Variants in CACNA2D1 observed in about 807,000 individuals in gnomAD.
The protein encoded by CACNA2D1 is voltage-dependent calcium channel subunit alpha-2/delta-1.
A neutral mutation model predicts 171.5 loss-of-function variants in CACNA2D1; 53 were observed. The ratio of observed to expected loss-of-function variants is 0.31; its 90% CI spans 0.25 to 0.39. The LOEUF is 0.39. CACNA2D1 is among the 10% of genes least tolerant of loss of function. CACNA2D1 has a pLI of 1.00. For missense variants in CACNA2D1, 903 were observed against 1,299.8 expected, an observed-to-expected ratio of 0.69 and a Z score of 4.69; for synonymous variants, 442 against 443.1, an observed-to-expected ratio of 1.00 and a Z score of 0.03.
At chr7:82,217,468 G>A (rs978523830) in intron 3 of CACNA2D1, among the ~76,000 whole-genome samples, 26 of 132,872 alleles carry the variant, frequency 2.0e-4, no homozygotes, top group East Asian at 2.1e-4. Flanking sequence ...GAAATTTCAC[G>A]GCTATGTCCA....
At chr7:81,996,373 C>A (rs1258519679) in intron 19 of CACNA2D1, among the ~76,000 whole-genome samples, 1 of 151,740 alleles carries the variant, frequency 6.6e-6, no homozygotes, top group African/African-American at 2.4e-5. Flanking sequence ...TCATTAAATT[C>A]TATTGTTCTA....
intron 3 of CACNA2D1, among the ~76,000 whole-genome samples, chr7:82,284,291 G>A (rs1810490176): frequency 2.6e-5 from 4 of 152,180 alleles, no homozygotes; most frequent in African/African-American, 9.6e-5. Context: ...AAATAAATAT[G>A]AGCATCACGT....
Position 82,100,997 on chromosome 7 carries a change from A to C in CACNA2D1, c.526+16047T>G, listed in dbSNP as rs144250596. ...AATATTTGGCAATATTTCATGCTGA[A>C]ATCTAGAACTTACTATTTATACCAA... On this transcript the variant is annotated intron_variant, in intron 6 of 38. Coordinates refer to ENST00000356860, the MANE Select transcript of CACNA2D1 (RefSeq NM_000722.4). Among the ~76,000 whole-genome samples the C allele has an allele frequency of 5.3e-5, 8 of 152,220 alleles. No individual in the cohort carries two copies. In the East Asian group the frequency reaches 1.5e-3, roughly 29 times the overall value.
At chr7:82,405,301 T>A (rs1250905219) in intron 1 of CACNA2D1, among the ~76,000 whole-genome samples, 4 of 152,192 alleles carry the variant, frequency 2.6e-5, no homozygotes, top group African/African-American at 9.6e-5. Flanking sequence ...TCAAATCTGT[T>A]AATAGCCTTA....
At chr7:82,287,312 T>G (rs1449810517) in intron 3 of CACNA2D1, among the ~76,000 whole-genome samples, 1 of 151,940 alleles carries the variant, frequency 6.6e-6, no homozygotes, top group Non-Finnish European at 1.5e-5. Flanking sequence ...AAAAACAAAT[T>G]TCTTAGTAAC....
At chr7:82,077,483 C>A (rs991432602) in intron 7 of CACNA2D1, among the ~76,000 whole-genome samples, 1 of 151,986 alleles carries the variant, frequency 6.6e-6, no homozygotes, top group Non-Finnish European at 1.5e-5. Context: ...GTAGTGAGAT[C>A]TGGGTGCAGA....
At chr7:82,342,708 T>C (rs1390818182) in intron 2 of CACNA2D1, among the ~76,000 whole-genome samples, 3 of 152,118 alleles carry the variant, frequency 2.0e-5, no homozygotes, top group Non-Finnish European at 4.4e-5. Flanking sequence ...TAGGATGCAA[T>C]AGTCACATAA....
In CACNA2D1 at chr7:82,005,771, A is replaced by G. The variant is rs1799057291; in HGVS notation, c.1509T>C (p.Arg503=). Residue 503 remains arginine, a synonymous_variant, in exon 17 of 39, where the codon CGT becomes CGC. Coordinates refer to ENST00000356860, the MANE Select transcript of CACNA2D1 (RefSeq NM_000722.4). ...AGAGCAAATTTCATCTTACTGTAAA[A>G]CGTGGTGTCAGTCTTTTAATATCTT... is the stretch of plus-strand genomic sequence containing the variant. ...SLEDIKRLTP[R]FTLCPNGYYF... 2 of 1,587,682 alleles carry G rather than the reference A, an allele frequency of 1.3e-6. No individual in the cohort carries two copies. Among genetic ancestry groups the G allele is most frequent in the Admixed American group, 1.7e-5 (1 of 59,950 alleles).
At chr7:82,235,478 A>C (rs549020749) in intron 3 of CACNA2D1, among the ~76,000 whole-genome samples, 2 of 152,260 alleles carry the variant, frequency 1.3e-5, no homozygotes, top group Admixed American at 1.3e-4. Flanking sequence ...CACTATATCC[A>C]ATGATCCTTT....
At chr7:82,282,230 G>A (rs1483525299) in intron 3 of CACNA2D1, among the ~76,000 whole-genome samples, 21 of 152,240 alleles carry the variant, frequency 1.4e-4, no homozygotes, top group East Asian at 9.7e-4. Context: ...CCCAGGAGGC[G>A]GAGGTTGCAG....
In CACNA2D1 at chr7:82,178,349, C is replaced by T. The variant is rs1377851822; in HGVS notation, c.295-7740G>A. ...TAAGGGAGATATCATCTGGTGAGAA[C>T]AAAACTCCTTTTAGCAGTATGAAAA... On this transcript the variant is annotated intron_variant, in intron 3 of 38. Transcript: ENST00000356860. 3.3e-5 allele frequency among the ~76,000 whole-genome samples: 5 copies of T among 152,142 alleles called. No homozygotes were observed. In the South Asian group the frequency reaches 8.3e-4, roughly 25 times the overall value.
chr7:82,291,167 T>C (rs1422810671), intron 3 of CACNA2D1, among the ~76,000 whole-genome samples: 1 of 114,220 alleles, frequency 8.8e-6, no homozygotes, highest in African/African-American at 4.4e-5. Flanking sequence ...TATATCGATA[T>C]AGAATTATAA....
rs1165697595 is a variant in CACNA2D1 at position 82,060,182 on chromosome 7, T to C, written c.879+246A>G. On this transcript the variant is annotated intron_variant, in intron 10 of 38. Coordinates refer to ENST00000356860, the MANE Select transcript of CACNA2D1 (RefSeq NM_000722.4). ...ATATATATAATATATATATATAATA[T>C]ATATATATTATATATATATTATATA... 0.021 allele frequency among the ~76,000 whole-genome samples: 289 copies of C among 13,656 alleles called. 99 individuals are homozygous for C. Among genetic ancestry groups the C allele is most frequent in the Non-Finnish European group, 0.023 (179 of 7,632 alleles). The allele number at this position is 13,656 out of a possible 152,430, so 9.0% of individuals were successfully genotyped here. A position where few individuals can be genotyped will look rare whatever the true frequency, so the allele number is the denominator to read the frequency against.
At chr7:82,110,381 G>C (rs1420190488) in intron 6 of CACNA2D1, among the ~76,000 whole-genome samples, 1 of 152,146 alleles carries the variant, frequency 6.6e-6, no homozygotes, top group African/African-American at 2.4e-5. Context: ...GTGCAGAAGA[G>C]GTCATGTGAG....
At chr7:82,142,924 C>G (rs1036995979) in intron 4 of CACNA2D1, among the ~76,000 whole-genome samples, 1 of 152,122 alleles carries the variant, frequency 6.6e-6, no homozygotes, top group Non-Finnish European at 1.5e-5. Context: ...TTTGACTTAG[C>G]AACCACTGCT....
At chr7:82,129,478 T>C (rs1790708676) in intron 5 of CACNA2D1, among the ~76,000 whole-genome samples, 1 of 152,192 alleles carries the variant, frequency 6.6e-6, no homozygotes, top group Non-Finnish European at 1.5e-5. Flanking sequence ...AGAGTACTTC[T>C]CAAACTTATT....
At position 82,300,888 on chromosome 7, in the gene CACNA2D1, T is replaced by C. The variant is rs1040377192; in HGVS notation, c.294+34247A>G. ...ATTTTTCAAAACAGTCTGAATACTTTAATATAAGGAAAAACTAGGATCTGT... is the reference window on the plus strand; with the variant it reads ...ATTTTTCAAAACAGTCTGAATACTTCAATATAAGGAAAAACTAGGATCTGT... On this transcript the variant is annotated intron_variant, in intron 3 of 38. Coordinates refer to ENST00000356860, the MANE Select transcript of CACNA2D1 (RefSeq NM_000722.4). Among the ~76,000 whole-genome samples, 42 of 152,160 alleles carry C rather than the reference T, an allele frequency of 2.8e-4. 2 individuals carry two copies. The highest frequency in any genetic ancestry group is 1.5e-5 in the Non-Finnish European group (1 of 68,018).
At chr7:81,978,811 T>C (rs1796139164) in intron 24 of CACNA2D1, among the ~76,000 whole-genome samples, 1 of 80,188 alleles carries the variant, frequency 1.2e-5, no homozygotes, top group Non-Finnish European at 2.6e-5. Flanking sequence ...CATATATATA[T>C]ATATATATAT....
At chr7:82,255,082 G>C (rs182005813) in intron 3 of CACNA2D1, among the ~76,000 whole-genome samples, 100 of 152,208 alleles carry the variant, frequency 6.6e-4, no homozygotes, top group African/African-American at 2.3e-3. Flanking sequence ...ATCTTATGCT[G>C]GTGTCCTTTA....
Sources: allele counts gnomAD v4.1 joint callset (sites outside exome capture counted in the v4.1 genomes callset), GRCh38; gene constraint gnomAD v4.1.1; transcripts MANE v1.5; gene names NCBI Gene and HGNC (gene_info 2026-07-23, HGNC 2026-07-21).